The following NCAM1 variants were observed in gnomAD, a reference collection of about 807,000 sequenced individuals.
The protein encoded by NCAM1 is antigen recognized by monoclonal antibody 5.1H11.
NCAM1 carries 14 observed loss-of-function variants against 109.8 expected under a neutral mutation model. That is an observed-to-expected ratio of 0.13 (90% CI 0.08 to 0.20). The LOEUF (loss-of-function observed/expected upper bound fraction) is 0.20. Ranked by LOEUF, NCAM1 falls within the 10% of genes least tolerant of loss-of-function variation. The pLI, the probability that NCAM1 is intolerant of heterozygous loss-of-function variation, is 1.00. For synonymous variants in NCAM1, 418 were observed against 442.9 expected, an observed-to-expected ratio of 0.94 and a Z score of 0.70; for missense variants, 774 against 1,109.9, an observed-to-expected ratio of 0.70 and a Z score of 4.30.
In NCAM1 at chr11:112,961,623, C is replaced by A; in HGVS notation, c.11C>A (p.Thr4Asn). 1 of 1,494,166 alleles carries A rather than the reference C, an allele frequency of 6.7e-7. No homozygotes were observed. Among genetic ancestry groups the A allele is most frequent in the Non-Finnish European group, 9.3e-7 (1 of 1,074,392 alleles). The allele number at this position is 1,494,166 out of a possible 1,614,324, so 92.6% of individuals were successfully genotyped here. A position where few individuals can be genotyped will look rare whatever the true frequency, so the allele number is the denominator to read the frequency against. Reference sequence around the variant, plus strand: ...AGCCAGCAGATTACAATGCTGCAAACTAAGGATCTCATCTGGACTTTGTTT... The same window carrying A: ...AGCCAGCAGATTACAATGCTGCAAAATAAGGATCTCATCTGGACTTTGTTT... MLQ[T>N]KDLIWTLFFL... The change falls in exon 1 of 20, where the codon ACT becomes AAT. Residue 4 changes from threonine (T) to asparagine (N), a missense_variant. Around this residue, in one of 4 missense-constraint regions of NCAM1, gnomAD observed 112 missense variants for 142.0 expected, o/e 0.79. Transcript: ENST00000316851.
intron 1 of NCAM1, among the ~76,000 whole-genome samples, chr11:113,062,037 T>C (rs1448581664): frequency 1.3e-5 from 2 of 152,194 alleles, no homozygotes; most frequent in African/African-American, 2.4e-5. Flanking sequence ...CTTGCAGCTG[T>C]CATCTGCCTG....
intron 1 of NCAM1, among the ~76,000 whole-genome samples, chr11:113,151,207 T>TGGCC (rs1298986442): frequency 2.6e-5 from 4 of 152,148 alleles, no homozygotes; most frequent in Non-Finnish European, 4.4e-5. Flanking sequence ...ACAAGGGGAA[T>TGGCC]GGCCCTAACT....
At chr11:113,130,362 A>G (rs1941341029) in intron 1 of NCAM1, among the ~76,000 whole-genome samples, 1 of 152,246 alleles carries the variant, frequency 6.6e-6, no homozygotes, top group Admixed American at 6.5e-5. Context: ...GGGGCACAAC[A>G]CTGAACAAAA....
At position 112,963,634 on chromosome 11, in the gene NCAM1, C is replaced by T. The variant is rs564356284; in HGVS notation, c.52+1970C>T. The stretch of plus-strand genomic sequence containing the variant: ...TCCGCGGTGCCCGTGGGTGCCGCGA[C>T]GCGACCTGTCCACATGGGGCGGGGG... On this transcript the variant is annotated intron_variant, in intron 1 of 19. Coordinates refer to ENST00000316851, the MANE Select transcript of NCAM1 (RefSeq NM_181351.5). The surrounding 1 kb of genome is among the most constrained non-coding windows in gnomAD (Gnocchi z 4.6). 5.9e-4 allele frequency among the ~76,000 whole-genome samples: 90 copies of T among 152,284 alleles called. No individual in the cohort carries two copies. Among genetic ancestry groups the T allele is most frequent in the African/African-American group, 2.1e-3 (86 of 41,562 alleles).
At chr11:113,168,094 C>T (rs776179734) in intron 1 of NCAM1, among the ~76,000 whole-genome samples, 2 of 152,088 alleles carry the variant, frequency 1.3e-5, no homozygotes, top group African/African-American at 2.4e-5. Context: ...AGAATTGAAT[C>T]GGACAAGTAA....
At chr11:113,167,253 T>G (rs1942834436) in intron 1 of NCAM1, among the ~76,000 whole-genome samples, 1 of 152,224 alleles carries the variant, frequency 6.6e-6, no homozygotes, top group Admixed American at 6.5e-5. Flanking sequence ...ATGTCCTTTG[T>G]ATGTATATAT....
At chr11:113,049,030 C>A (rs1953370281) in intron 1 of NCAM1, among the ~76,000 whole-genome samples, 2 of 152,068 alleles carry the variant, frequency 1.3e-5, no homozygotes, top group African/African-American at 2.4e-5. Context: ...TCAGCTTAGA[C>A]CTTTTGTGAA....
At chr11:113,270,427 T>C (rs369807297) in intron 18 of NCAM1, 32 bp downstream of exon 18, 32 of 1,606,820 alleles carry the variant, frequency 2.0e-5, no homozygotes, top group Non-Finnish European at 2.0e-5. Flanking sequence ...TTGCTGAGGT[T>C]TGGGCTCTGC....
chr11:113,111,486 G>A (rs1281674435), intron 1 of NCAM1, among the ~76,000 whole-genome samples: 1 of 151,924 alleles, frequency 6.6e-6, no homozygotes, highest in Non-Finnish European at 1.5e-5. Flanking sequence ...AAAGAAAACA[G>A]ATCAGCAGCG....
chr11:112,973,539 C>T (rs1950936091), intron 1 of NCAM1, among the ~76,000 whole-genome samples: 1 of 152,102 alleles, frequency 6.6e-6, no homozygotes, highest in African/African-American at 2.4e-5. Context: ...GTATCAAACC[C>T]ACATTTCGAA....
chr11:112,981,866 G>A (rs1940727), intron 1 of NCAM1, among the ~76,000 whole-genome samples: 3 of 151,636 alleles, frequency 2.0e-5, no homozygotes, highest in Non-Finnish European at 4.4e-5. Context: ...AAAGTTCAAA[G>A]GTTTTTTGCA....
chr11:113,108,760 A>G lies in NCAM1; in HGVS notation c.53-93619A>G, dbSNP rs781897642. On this transcript the variant is annotated intron_variant, in intron 1 of 19. Transcript: ENST00000316851. ...AGAGATGCTATGAAGTATATGATAC[A>G]TCCCTTGAAGGTTTTTTTTTGTTTT... 2.7e-5 allele frequency among the ~76,000 whole-genome samples: 4 copies of G among 146,868 alleles called. No individual in the cohort carries two copies. The East Asian group carries it at 8.5e-4, about 31-fold the overall frequency.
At chr11:113,263,518 T>C (rs1453735815) in intron 17 of NCAM1, 1 of 985,542 alleles carries the variant, frequency 1.0e-6, no homozygotes, top group African/African-American at 1.7e-5. Context: ...GGAAAAAAAG[T>C]TGAATTTGTT....
rs1266711296 is a variant in NCAM1 at position 113,275,316 on chromosome 11, C to T, written c.2506C>T (p.Pro836Ser). Residue 836 changes from proline (P) to serine (S), a missense_variant, in exon 20 of 20, where the codon CCA (proline) becomes TCA (serine). Around this residue, in one of 4 missense-constraint regions of NCAM1, gnomAD observed 122 missense variants for 129.7 expected, o/e 0.94. Coordinates refer to ENST00000316851, the MANE Select transcript of NCAM1 (RefSeq NM_181351.5). ...AGAGTGCCAGGAGACAGAAACGAAG[C>T]CAGCGCCAGCCGAAGTCAAGACGGT... Reference protein sequence around the residue: ...KPECQETETKPAPAEVKTVPN... With the variant: ...KPECQETETKSAPAEVKTVPN... 6.2e-7 allele frequency: 1 copy of T among 1,613,666 alleles called. No homozygotes were observed. Among genetic ancestry groups the T allele is most frequent in the East Asian group, 2.2e-5 (1 of 44,870 alleles).
chr11:113,162,424 G>A (rs1308384309), intron 1 of NCAM1, among the ~76,000 whole-genome samples: 1 of 152,128 alleles, frequency 6.6e-6, no homozygotes, highest in Non-Finnish European at 1.5e-5. Context: ...TGCTAACATA[G>A]AAGTCAGGAG....
In NCAM1 at chr11:113,210,821, C is replaced by T. The variant is rs1041888370; in HGVS notation, c.916+2819C>T. ...ACACACACACACACACACACACACA[C>T]ATATTTCACAATTTCTTTCCCGAAA... On this transcript the variant is annotated intron_variant, in intron 7 of 19. Transcript: ENST00000316851. Among the ~76,000 whole-genome samples the T allele has an allele frequency of 1.9e-3, 271 of 144,344 alleles. 1 individual carries two copies. Among genetic ancestry groups the T allele is most frequent in the African/African-American group, 6.7e-3 (252 of 37,722 alleles). 94.7% of individuals were successfully genotyped at this position (144,344 alleles called of 152,430 possible).
chr11:113,238,782 A>T (rs1306712782), intron 14 of NCAM1, among the ~76,000 whole-genome samples: 1 of 152,170 alleles, frequency 6.6e-6, no homozygotes, highest in Non-Finnish European at 1.5e-5. Flanking sequence ...TACTGTTGGG[A>T]TGCAGATGCA....
chr11:113,234,325 G>T (rs115626716), intron 13 of NCAM1, among the ~76,000 whole-genome samples: 1 of 148,304 alleles, frequency 6.7e-6, no homozygotes, highest in Middle Eastern at 3.2e-3. Context: ...TACATTTTAC[G>T]TTCCATCATT....
At chr11:113,063,473 C>A (rs1254091801) in intron 1 of NCAM1, among the ~76,000 whole-genome samples, 1 of 152,198 alleles carries the variant, frequency 6.6e-6, no homozygotes, top group African/African-American at 2.4e-5. Context: ...TGTCTCTGAG[C>A]CTCATTCTGC....
Sources: allele counts gnomAD v4.1 joint callset (sites outside exome capture counted in the v4.1 genomes callset), GRCh38; gene constraint gnomAD v4.1.1; regional missense constraint gnomAD v4.1.1; non-coding constraint Gnocchi (gnomAD v3.1); transcripts MANE v1.5; gene names NCBI Gene and HGNC (gene_info 2026-07-23, HGNC 2026-07-21).